Variants in SRD5A2 observed in about 807,000 individuals in gnomAD.
The protein encoded by SRD5A2 is 3-oxo-5-alpha-steroid 4-dehydrogenase 2.
SRD5A2 carries 30 observed loss-of-function variants against 27.4 expected under a neutral mutation model. The observed-to-expected ratio is 1.10, with a 90% CI of 0.82 to 1.49. SRD5A2 has a LOEUF of 1.49. Ranked by LOEUF, SRD5A2 falls within the 40% of genes most tolerant of loss-of-function variation. The pLI is 0.00. For missense variants in SRD5A2, 348 were observed against 323.4 expected (o/e 1.08, Z -0.58); for synonymous variants, 141 against 133.6 (o/e 1.06, Z -0.38).
At chr2:31,533,496 G>C in intron 2 of SRD5A2, 107 bp downstream of exon 2, 1 of 1,018,626 alleles carries the variant, frequency 9.8e-7, no homozygotes, top group South Asian at 1.6e-5. Context: ...GGGAGGGGAA[G>C]ATGGGATCAT....
At chr2:31,546,381 C>A (rs899249001) in intron 1 of SRD5A2, among the ~76,000 whole-genome samples, 3 of 152,064 alleles carry the variant, frequency 2.0e-5, no homozygotes, top group Non-Finnish European at 2.9e-5. Context: ...CAAAGACATG[C>A]AATCTACCTA....
At chr2:31,554,971 G>A (rs781063043) in intron 1 of SRD5A2, among the ~76,000 whole-genome samples, 2,931 of 134,240 alleles carry the variant, frequency 0.022, 21 homozygotes, top group Middle Eastern at 0.056. Flanking sequence ...GTGTGTGTAT[G>A]TGTGTGTGTG....
the SRD5A2 span, among the ~76,000 whole-genome samples, chr2:31,656,633 G>A: frequency 6.6e-6 from 1 of 152,096 alleles, no homozygotes; most frequent in Non-Finnish European, 1.5e-5. Flanking sequence ...TCATCCCTCA[G>A]GAAGACACAG....
At chr2:31,545,472 G>GTAAA (rs1407120033) in intron 1 of SRD5A2, among the ~76,000 whole-genome samples, 1 of 152,006 alleles carries the variant, frequency 6.6e-6, no homozygotes, top group African/African-American at 2.4e-5. Context: ...CTTACAGAGG[G>GTAAA]TAAAACACGT....
chr2:31,532,146 G>C (rs1201912776), intron 2 of SRD5A2, among the ~76,000 whole-genome samples: 1 of 152,156 alleles, frequency 6.6e-6, no homozygotes, highest in Non-Finnish European at 1.5e-5. Flanking sequence ...GACACAAAGT[G>C]CCTGAGTTAT....
the SRD5A2 span, among the ~76,000 whole-genome samples, chr2:31,619,352 T>TA: frequency 6.6e-6 from 1 of 152,194 alleles, no homozygotes; most frequent in Admixed American, 6.6e-5. Flanking sequence ...GATGGGCATT[T>TA]AGGTTGATTC....
the SRD5A2 span, among the ~76,000 whole-genome samples, chr2:31,609,284 G>C: frequency 6.6e-6 from 1 of 151,778 alleles, no homozygotes; most frequent in African/African-American, 2.4e-5. Context: ...TCAGAAACAG[G>C]AAAGTTGATA....
At chr2:31,585,929 G>A (rs1361536121), upstream of SRD5A2, among the ~76,000 whole-genome samples, 1 of 152,190 alleles carries the variant, frequency 6.6e-6, no homozygotes, top group Non-Finnish European at 1.5e-5. Flanking sequence ...AGTACTTCTT[G>A]TGGGCTGTGG....
rs1348515935 is a variant in SRD5A2, at chr2:31,569,663, C to CA, written c.281+10956dup. On this transcript the variant is annotated intron_variant, in intron 1 of 4. Transcript: ENST00000622030. ...ACTAAAACAATTGACTGTCCACATG[C>CA]AAAAAACAAAAAACAAAAAAAAAAA... Among the ~76,000 whole-genome samples, 31 of 95,644 alleles carry CA rather than the reference C, an allele frequency of 3.2e-4. No individual in the cohort carries two copies. The South Asian group carries it at 4.5e-3, about 14-fold the overall frequency. 62.7% of individuals were successfully genotyped at this position (95,644 alleles called of 152,430 possible). A position where few individuals can be genotyped will look rare whatever the true frequency, so the allele number is the denominator to read the frequency against.
chr2:31,536,350 T>C (rs1286872749), intron 1 of SRD5A2, among the ~76,000 whole-genome samples: 1 of 152,228 alleles, frequency 6.6e-6, no homozygotes, highest in Non-Finnish European at 1.5e-5. Context: ...CTATTCAAGC[T>C]TCTGCTCCAC....
intron 4 of SRD5A2, among the ~76,000 whole-genome samples, chr2:31,527,860 A>T (rs1374981837): frequency 6.6e-6 from 1 of 152,204 alleles, no homozygotes; most frequent in Non-Finnish European, 1.5e-5. Flanking sequence ...ACTCATTCTT[A>T]GTTAAATCTT....
chr2:31,544,183 A>G (rs1457349696), intron 1 of SRD5A2, among the ~76,000 whole-genome samples: 1 of 152,090 alleles, frequency 6.6e-6, no homozygotes, highest in African/African-American at 2.4e-5. Flanking sequence ...CCATCAAAAT[A>G]AAGACAGTGA....
chr2:31,655,407 G>A, the SRD5A2 span, among the ~76,000 whole-genome samples: 27 of 152,292 alleles, frequency 1.8e-4, no homozygotes, highest in Admixed American at 9.2e-4. Flanking sequence ...AGCCTGAAAT[G>A]TGCTTCCTAA....
At chr2:31,584,558 T>A (rs146601401), upstream of SRD5A2, among the ~76,000 whole-genome samples, 1 of 152,194 alleles carries the variant, frequency 6.6e-6, no homozygotes, top group East Asian at 1.9e-4. Context: ...GTAAGCTACC[T>A]ATACTTCTAA....
chr2:31,590,812 A>C, the SRD5A2 span, among the ~76,000 whole-genome samples: 1 of 152,244 alleles, frequency 6.6e-6, no homozygotes, highest in African/African-American at 2.4e-5. Context: ...CAAACCTGAC[A>C]AAAACAGGAA....
chr2:31,636,872 GC>G, the SRD5A2 span, among the ~76,000 whole-genome samples: 1 of 151,986 alleles, frequency 6.6e-6, no homozygotes, highest in African/African-American at 2.4e-5. Flanking sequence ...CATTAAGTTT[GC>G]TAGCATTTGG....
At chr2:31,640,834 A>G in the SRD5A2 span, among the ~76,000 whole-genome samples, 96 of 151,740 alleles carry the variant, frequency 6.3e-4, no homozygotes, top group African/African-American at 2.3e-3. Context: ...TCTTTGGGGC[A>G]CTCATGATGC....
At chr2:31,608,984 T>G in the SRD5A2 span, among the ~76,000 whole-genome samples, 1 of 152,064 alleles carries the variant, frequency 6.6e-6, no homozygotes, top group Non-Finnish European at 1.5e-5. Flanking sequence ...CCAATAGGAC[T>G]GTGGCCTTAG....
At chr2:31,623,503 T>C in the SRD5A2 span, among the ~76,000 whole-genome samples, 11 of 152,074 alleles carry the variant, frequency 7.2e-5, no homozygotes, top group African/African-American at 2.2e-4. Context: ...TTGAGGTCAT[T>C]TGGAGGAGAA....
Sources: allele counts gnomAD v4.1 joint callset (sites outside exome capture counted in the v4.1 genomes callset), GRCh38; gene constraint gnomAD v4.1.1; transcripts MANE v1.5; gene names NCBI Gene and HGNC (gene_info 2026-07-23, HGNC 2026-07-21).